Variants in MAL2 observed in about 807,000 individuals in gnomAD.
MAL2 encodes the protein protein MAL2.
Under a neutral mutation model 18.1 loss-of-function variants are expected in MAL2, and 17 were observed. That is an observed-to-expected ratio of 0.94 (90% CI 0.64 to 1.41). The LOEUF (loss-of-function observed/expected upper bound fraction) is 1.41, where lower values mean the gene tolerates loss of function less well. Ranked by LOEUF, MAL2 falls within the 40% of genes most tolerant of loss-of-function variation. The pLI is 0.00. For synonymous variants in MAL2, 102 were observed against 102.3 expected, an observed-to-expected ratio of 1.00 and a Z score of 0.02; for missense variants, 222 against 231.9, an observed-to-expected ratio of 0.96 and a Z score of 0.28.
intron 2 of MAL2, 81 bp downstream of exon 2, chr8:119,221,838 C>T: frequency 1.4e-6 from 2 of 1,445,652 alleles, no homozygotes; most frequent in African/African-American, 1.4e-5. Flanking sequence ...GCCAGAGTCC[C>T]AGTTCTGTTG....
intron 2 of MAL2, among the ~76,000 whole-genome samples, chr8:119,233,964 G>A (rs546906776): frequency 1.0e-3 from 158 of 152,266 alleles, no homozygotes; most frequent in African/African-American, 3.5e-3. Context: ...AGCCAAGATG[G>A]CCGAATAGGA....
chr8:119,212,303 T>A (rs1271878697), intron 1 of MAL2, among the ~76,000 whole-genome samples: 2 of 152,208 alleles, frequency 1.3e-5, no homozygotes, highest in Non-Finnish European at 2.9e-5. Context: ...TATTTTGCAG[T>A]TTTAGTGTTT....
Position 119,231,193 on chromosome 8 carries a change from A to G in MAL2, c.304-8972A>G, listed in dbSNP as rs1315489458. Among the ~76,000 whole-genome samples, 4 of 152,030 alleles carry G rather than the reference A, an allele frequency of 2.6e-5. No individual in the cohort carries two copies. In the East Asian group the frequency reaches 7.8e-4, roughly 30 times the overall value. On this transcript the variant is annotated intron_variant, in intron 2 of 3. Transcript: ENST00000614891. ...ACCACAGGCGCCCGCCACCACACCC[A>G]GCTAATCTTTTTGTATTTTTAGTAG...
intron 2 of MAL2, among the ~76,000 whole-genome samples, chr8:119,230,144 T>TCTC (rs1283757839): frequency 1.3e-5 from 2 of 152,130 alleles, no homozygotes; most frequent in African/African-American, 4.8e-5. Context: ...CACTTGTCAC[T>TCTC]CTCCAGTGCA....
chr8:119,228,433 C>G (rs971872637), intron 2 of MAL2, among the ~76,000 whole-genome samples: 2 of 152,102 alleles, frequency 1.3e-5, no homozygotes, highest in Non-Finnish European at 2.9e-5. Flanking sequence ...AGTTTCCATT[C>G]TTCCAATGGG....
intron 2 of MAL2, among the ~76,000 whole-genome samples, chr8:119,238,935 TTAAAC>T (rs1219683241): frequency 1.3e-5 from 2 of 151,624 alleles, no homozygotes; most frequent in South Asian, 2.1e-4. Flanking sequence ...TGGGAGCTAA[TTAAAC>T]TAAAGAGCTT....
intron 2 of MAL2, among the ~76,000 whole-genome samples, chr8:119,226,130 C>T (rs1355379514): frequency 2.0e-5 from 3 of 152,110 alleles, no homozygotes; most frequent in African/African-American, 7.2e-5. Context: ...TGTGCAGAAG[C>T]TTTTTAGTTT....
chr8:119,216,933 T>C (rs1817365705), intron 1 of MAL2, among the ~76,000 whole-genome samples: 1 of 152,136 alleles, frequency 6.6e-6, no homozygotes, highest in Non-Finnish European at 1.5e-5. Context: ...AGCAGGTAAT[T>C]AGGAAATAAG....
At chr8:119,212,252 C>A (rs937227570) in intron 1 of MAL2, among the ~76,000 whole-genome samples, 4 of 152,132 alleles carry the variant, frequency 2.6e-5, no homozygotes, top group Non-Finnish European at 4.4e-5. Context: ...TAGTATTAAT[C>A]ACGAAAAAGA....
intron 1 of MAL2, 153 bp from the exon 2 acceptor site, chr8:119,221,434 T>C: frequency 1.2e-6 from 1 of 858,220 alleles, no homozygotes; most frequent in South Asian, 1.8e-5. Context: ...TCTTACATAA[T>C]AAGGGGAAAA....
chr8:119,228,738 A>AAATTCATAAATCCTCG (rs1248870695), intron 2 of MAL2, among the ~76,000 whole-genome samples: 2 of 152,226 alleles, frequency 1.3e-5, no homozygotes, highest in African/African-American at 4.8e-5. Context: ...TCATAAAAGC[A>AAATTCATAAATCCTCG]AATTCATAAA....
intron 2 of MAL2, among the ~76,000 whole-genome samples, chr8:119,238,779 G>C (rs979278208): frequency 6.6e-6 from 1 of 150,626 alleles, no homozygotes; most frequent in Non-Finnish European, 1.5e-5. Flanking sequence ...ATTAATTCAA[G>C]ATGGATTAAA....
intron 1 of MAL2, among the ~76,000 whole-genome samples, chr8:119,219,768 G>A (rs1376645468): frequency 1.3e-5 from 2 of 152,186 alleles, no homozygotes; most frequent in African/African-American, 2.4e-5. Flanking sequence ...TAGTGCAGAT[G>A]GAGAGCCAAA....
At chr8:119,221,511 T>C in intron 1 of MAL2, 76 bp from the exon 2 acceptor site, 1 of 1,551,170 alleles carries the variant, frequency 6.4e-7, no homozygotes, top group Non-Finnish European at 8.8e-7. Context: ...ATGCTGAGGG[T>C]AATACAAGCA....
At chr8:119,223,742 TATGAA>T (rs925009028) in intron 2 of MAL2, 12 of 152,224 alleles carry the variant, frequency 7.9e-5, no homozygotes, top group African/African-American at 2.7e-4. Flanking sequence ...TCAAGGAATT[TATGAA>T]ATGTTTTCCC....
intron 2 of MAL2, among the ~76,000 whole-genome samples, chr8:119,232,799 A>G (rs997212416): frequency 4.6e-5 from 7 of 152,188 alleles, no homozygotes; most frequent in Non-Finnish European, 8.8e-5. Context: ...GCTTTTTTAT[A>G]TTATCCTAAT....
chr8:119,240,447 C>A, intron 3 of MAL2, 127 bp downstream of exon 3: 1 of 955,942 alleles, frequency 1.0e-6, no homozygotes, highest in Non-Finnish European at 1.5e-6. Context: ...TATGTAATAG[C>A]TATTTATCTG....
Position 119,244,863 on chromosome 8 carries a change from A to G in MAL2, c.*1375A>G, listed in dbSNP as rs1262981522. On this transcript the variant is annotated 3_prime_UTR_variant, in exon 4 of 4. Transcript: ENST00000614891. ...CCAAACTGTTTTGAATGGAAGGACA[A>G]GTAAGAGTGAGGCCACAGTTCCCAC... The G allele has an allele frequency of 6.6e-6, 1 of 152,604 alleles. No homozygotes were observed. The highest frequency in any genetic ancestry group is 2.4e-5 in the African/African-American group (1 of 41,460). 9.5% of individuals were successfully genotyped at this position (152,604 alleles called of 1,614,324 possible). A position where few individuals can be genotyped will look rare whatever the true frequency, so the allele number is the denominator to read the frequency against.
Position 119,243,720 on chromosome 8 carries a change from C to G in MAL2, c.*232C>G, listed in dbSNP as rs1451937976. ...ATCTCTCCCCTTTTTCCCTTTCCCC[C>G]TTTATTTTCCTCCTTTTCTTTCTGA... On this transcript the variant is annotated 3_prime_UTR_variant, in exon 4 of 4. Transcript: ENST00000614891. The G allele has an allele frequency of 2.8e-6, 1 of 362,992 alleles. No individual in the cohort carries two copies. Among genetic ancestry groups the G allele is most frequent in the Non-Finnish European group, 4.9e-6 (1 of 203,798 alleles). 22.5% of individuals were successfully genotyped at this position (362,992 alleles called of 1,614,324 possible).
Sources: allele counts gnomAD v4.1 joint callset (sites outside exome capture counted in the v4.1 genomes callset), GRCh38; gene constraint gnomAD v4.1.1; transcripts MANE v1.5; gene names NCBI Gene and HGNC (gene_info 2026-07-23, HGNC 2026-07-21).